Variants in ZNF257 observed in about 807,000 individuals in gnomAD.
ZNF257 encodes zinc finger protein 257, also known as bone marrow zinc finger 4.
A neutral mutation model predicts 11.9 loss-of-function variants in ZNF257; 12 were observed. That is an observed-to-expected ratio of 1.01 (90% confidence interval 0.65 to 1.63). ZNF257 has a LOEUF of 1.63. Among genes scored for constraint, ZNF257 ranks in the 40% most tolerant of loss-of-function variants. ZNF257 has a pLI of 0.00. For missense variants in ZNF257, 580 were observed against 665.5 expected (o/e 0.87, Z 1.41); for synonymous variants, 183 against 222.7 (o/e 0.82, Z 1.59).
chr19:22,088,692 AC>A lies in ZNF257; in HGVS notation c.945del (p.Tyr316ThrfsTer21). 6.2e-7 allele frequency: 1 copy of A among 1,609,680 alleles called. No individual in the cohort carries two copies. The highest frequency in any genetic ancestry group is 8.5e-7 in the Non-Finnish European group (1 of 1,178,814). On this transcript the variant is annotated frameshift_variant, in exon 4 of 4. Transcript: ENST00000594947. LOFTEE classifies it low-confidence loss of function (END_TRUNC). ...ATAAGAGAATTCATACTGGAGAGAA[AC>A]CCTACAAATGTGAAGAGTGTGGCAA... is the stretch of plus-strand genomic sequence containing the variant. ...QHKRIHTGEK[P>X]YKCEECGKAF...
At chr19:22,054,587 T>G (rs2021575687) in intron 1 of ZNF257, among the ~76,000 whole-genome samples, 1 of 152,264 alleles carries the variant, frequency 6.6e-6, no homozygotes, top group South Asian at 2.1e-4. Flanking sequence ...ATTTTAATCA[T>G]TTTTTGACAA....
chr19:22,075,691 G>A (rs951229026), intron 3 of ZNF257: 5 of 152,208 alleles, frequency 3.3e-5, no homozygotes, highest in African/African-American at 1.2e-4. Flanking sequence ...CTCAATCTTT[G>A]GCTTTAGCAG....
intron 1 of ZNF257, among the ~76,000 whole-genome samples, chr19:22,069,463 A>C (rs1034945728): frequency 1.3e-5 from 2 of 151,816 alleles, no homozygotes; most frequent in Non-Finnish European, 2.9e-5. Flanking sequence ...AAAAAATAAA[A>C]AATTAGCTGG....
chr19:22,085,332 G>A (rs942626608), intron 3 of ZNF257, among the ~76,000 whole-genome samples: 1 of 152,190 alleles, frequency 6.6e-6, no homozygotes, highest in East Asian at 1.9e-4. Context: ...GCCTCCCAAA[G>A]TGCTGAGATT....
chr19:22,055,471 G>T (rs1376077865), intron 1 of ZNF257, among the ~76,000 whole-genome samples: 1 of 152,114 alleles, frequency 6.6e-6, no homozygotes, highest in Non-Finnish European at 1.5e-5. Flanking sequence ...CTCCCAAAGT[G>T]CTGGAATTAC....
chr19:22,068,089 T>G (rs2022003912), intron 1 of ZNF257, among the ~76,000 whole-genome samples: 1 of 151,868 alleles, frequency 6.6e-6, no homozygotes, highest in East Asian at 1.9e-4. Context: ...TTTGTTGCCT[T>G]GATCTCTCAC....
intron 1 of ZNF257, among the ~76,000 whole-genome samples, chr19:22,055,671 G>C (rs2021611939): frequency 6.6e-6 from 1 of 152,134 alleles, no homozygotes; most frequent in African/African-American, 2.4e-5. Flanking sequence ...GGATGGGGTG[G>C]GAGAATCTCT....
At chr19:22,087,244 G>T (rs970242284) in intron 3 of ZNF257, among the ~76,000 whole-genome samples, 1 of 151,022 alleles carries the variant, frequency 6.6e-6, no homozygotes, top group African/African-American at 2.4e-5. Context: ...AAAAAAAAAA[G>T]GCTACCTGTC....
At chr19:22,056,590 C>T (rs1371802129) in intron 1 of ZNF257, among the ~76,000 whole-genome samples, 1 of 151,608 alleles carries the variant, frequency 6.6e-6, no homozygotes, top group Non-Finnish European at 1.5e-5. Context: ...CTTCTCCTGC[C>T]TCGGCCTCCC....
chr19:22,065,880 A>G (rs2021931961), intron 1 of ZNF257: 1 of 152,174 alleles, frequency 6.6e-6, no homozygotes, highest in Non-Finnish European at 1.5e-5. Flanking sequence ...CCCCCATTCA[A>G]TGGCTAGGAG....
Position 22,088,668 on chromosome 19 carries a change from T to A in ZNF257, c.918T>A (p.His306Gln), listed in dbSNP as rs748720528. The A allele has an allele frequency of 6.2e-7, 1 of 1,613,508 alleles. No homozygotes were observed. Among genetic ancestry groups the A allele is most frequent in the Admixed American group, 1.7e-5 (1 of 59,946 alleles). The change falls in exon 4 of 4, where the codon CAT becomes CAA. Residue 306 changes from histidine (H) to glutamine (Q), a missense_variant. Physicochemically the swap from His to Gln is conservative, Grantham distance 24. Transcript: ENST00000594947. ...WSSALTTLTQ[H>Q]KRIHTGEKPY... ...CAGCTCTTACTACCCTTACTCAACATAAGAGAATTCATACTGGAGAGAAAC... is the reference window on the plus strand; with the variant it reads ...CAGCTCTTACTACCCTTACTCAACAAAAGAGAATTCATACTGGAGAGAAAC...
Position 22,089,805 on chromosome 19 carries a change from G to C in ZNF257, c.*363G>C. 3.5e-6 allele frequency: 1 copy of C among 284,904 alleles called. No homozygotes were observed. The highest frequency in any genetic ancestry group is 6.8e-6 in the Non-Finnish European group (1 of 148,032). 17.6% of individuals were successfully genotyped at this position (284,904 alleles called of 1,614,324 possible). A position where few individuals can be genotyped will look rare whatever the true frequency, so the allele number is the denominator to read the frequency against. On this transcript the variant is annotated 3_prime_UTR_variant, in exon 4 of 4. Transcript: ENST00000594947. The stretch of plus-strand genomic sequence containing the variant: ...CCTAAAGTGTGAAGAATGTCACAAA[G>C]CCCTTAATAAGTCCTCAATTCTTAA...
At chr19:22,072,782 G>T in intron 1 of ZNF257, 27 bp from the exon 2 acceptor site, 1 of 1,601,936 alleles carries the variant, frequency 6.2e-7, no homozygotes, top group Non-Finnish European at 8.5e-7. Flanking sequence ...GTAAATATAT[G>T]TGTGTCTGTG....
chr19:22,072,994 A>G, intron 2 of ZNF257, 59 bp downstream of exon 2: 2 of 1,174,084 alleles, frequency 1.7e-6, no homozygotes, highest in East Asian at 3.1e-5. Flanking sequence ...TTTTTTATTT[A>G]TTTTTTTTTT....
chr19:22,084,440 CT>C lies in ZNF257; in HGVS notation c.227-3526del, dbSNP rs528647885. Among the ~76,000 whole-genome samples, 486 of 143,638 alleles carry C rather than the reference CT, an allele frequency of 3.4e-3. 3 individuals carry two copies. The highest frequency in any genetic ancestry group is 0.011 in the African/African-American group (424 of 39,408). The allele number at this position is 143,638 out of a possible 152,430, so 94.2% of individuals were successfully genotyped here. On this transcript the variant is annotated intron_variant, in intron 3 of 3. Coordinates refer to ENST00000594947, the MANE Select transcript of ZNF257 (RefSeq NM_033468.4). ...AATTATAATGCCTCCAACATTGTTTCTTTTTTTTTTTGAAGATTGTTGGGTA... is the reference window on the plus strand; with the variant it reads ...AATTATAATGCCTCCAACATTGTTTCTTTTTTTTTTGAAGATTGTTGGGTA...
chr19:22,086,837 A>C (rs1369933052), intron 3 of ZNF257, among the ~76,000 whole-genome samples: 1 of 151,844 alleles, frequency 6.6e-6, no homozygotes, highest in Non-Finnish European at 1.5e-5. Context: ...TTTGTCTTGC[A>C]GTTCTTGAGA....
chr19:22,062,018 A>G (rs904001616), intron 1 of ZNF257, among the ~76,000 whole-genome samples: 1 of 151,364 alleles, frequency 6.6e-6, no homozygotes, highest in African/African-American at 2.4e-5. Context: ...GCTTTTTGAT[A>G]TGCTGTTGGC....
At chr19:22,081,788 C>T (rs1320518347) in intron 3 of ZNF257, among the ~76,000 whole-genome samples, 1 of 152,010 alleles carries the variant, frequency 6.6e-6, no homozygotes, top group Non-Finnish European at 1.5e-5. Flanking sequence ...CCTTGGCCTC[C>T]CAAAGTCCTG....
chr19:22,080,168 C>T (rs974597375), intron 3 of ZNF257, among the ~76,000 whole-genome samples: 49 of 152,040 alleles, frequency 3.2e-4, no homozygotes, highest in Admixed American at 6.6e-5. Context: ...TTTGTAGGAA[C>T]AGGGTCTCAC....
Sources: gnomAD v4.1 joint callset for allele counts (sites outside exome capture counted in the v4.1 genomes callset) on GRCh38, gnomAD v4.1.1 for gene constraint, MANE v1.5 for transcripts, NCBI Gene and HGNC (gene_info 2026-07-23, HGNC 2026-07-21) for gene names.